Variants in CTNND2 observed in about 807,000 individuals in gnomAD.
The protein encoded by CTNND2 is catenin delta 2.
In CTNND2, 22 loss-of-function variants were observed where a neutral mutation model predicts 144.4. The ratio of observed to expected loss-of-function variants is 0.15; its 90% CI spans 0.11 to 0.22. CTNND2 has a LOEUF of 0.22. Ranked by LOEUF, CTNND2 falls within the 10% of genes least tolerant of loss-of-function variation. The probability of loss-of-function intolerance (pLI) is 1.00; values close to 1 mark genes in which losing one functional copy is unlikely to be tolerated. For synonymous variants in CTNND2, 751 were observed against 695.6 expected (o/e 1.08, Z -1.25); for missense variants, 1,353 against 1,618.8 (o/e 0.84, Z 2.82).
chr5:11,373,204 A>G (rs1757619064), intron 7 of CTNND2, among the ~76,000 whole-genome samples: 1 of 152,242 alleles, frequency 6.6e-6, no homozygotes, highest in African/African-American at 2.4e-5. Context: ...TAGCTGGGGC[A>G]AGAGTCACTT....
chr5:11,164,356 A>T (rs61751850), intron 11 of CTNND2, among the ~76,000 whole-genome samples: 5,562 of 152,274 alleles, frequency 0.037, 313 homozygotes, highest in African/African-American at 0.12. Context: ...TTCAAAAATA[A>T]CCTGTTATGC....
chr5:11,250,440 G>A (rs926696952), intron 9 of CTNND2, among the ~76,000 whole-genome samples: 7 of 130,102 alleles, frequency 5.4e-5, no homozygotes, highest in South Asian at 5.1e-4. Flanking sequence ...GAAAGTTTGC[G>A]GTGAATTTAA....
intron 16 of CTNND2, among the ~76,000 whole-genome samples, chr5:11,078,594 C>T (rs1263214497): frequency 2.6e-5 from 4 of 152,126 alleles, no homozygotes; most frequent in Admixed American, 6.5e-5. Context: ...CAATAGTTCA[C>T]TATTTTGTTA....
chr5:11,742,139 A>G (rs1219356160), intron 1 of CTNND2, among the ~76,000 whole-genome samples: 3 of 152,036 alleles, frequency 2.0e-5, no homozygotes, highest in Non-Finnish European at 4.4e-5. Flanking sequence ...GATTTCAGAA[A>G]TCACCACTAA....
At chr5:10,999,965 C>T (rs1443110245) in intron 18 of CTNND2, among the ~76,000 whole-genome samples, 1 of 152,210 alleles carries the variant, frequency 6.6e-6, no homozygotes, top group Non-Finnish European at 1.5e-5. Flanking sequence ...CCCCACAGCC[C>T]CACTACCATC....
chr5:11,545,100 A>AGTG (rs1775101798), intron 3 of CTNND2, among the ~76,000 whole-genome samples: 3 of 144,728 alleles, frequency 2.1e-5, no homozygotes, highest in Middle Eastern at 3.8e-3. Flanking sequence ...CCAGCCTGGC[A>AGTG]ACAGAGCGAG....
chr5:11,667,332 GA>G (rs1412942558), intron 2 of CTNND2, among the ~76,000 whole-genome samples: 3 of 152,148 alleles, frequency 2.0e-5, no homozygotes, highest in African/African-American at 7.2e-5. Context: ...GATCCTTGAG[GA>G]ATTGCCACAC....
intron 1 of CTNND2, among the ~76,000 whole-genome samples, chr5:11,733,548 C>G (rs1787513936): frequency 6.6e-6 from 1 of 152,006 alleles, no homozygotes. Flanking sequence ...TTCCCCTTTG[C>G]AAGAAAATCA....
intron 16 of CTNND2, among the ~76,000 whole-genome samples, chr5:11,053,056 G>A (rs1442311729): frequency 6.6e-6 from 1 of 152,148 alleles, no homozygotes; most frequent in Non-Finnish European, 1.5e-5. Flanking sequence ...TTTACTGAAA[G>A]TTTCAAAGAG....
At position 10,972,708 on chromosome 5, in the gene CTNND2, TGTTTA is replaced by T. The variant is rs1397840110; in HGVS notation, c.*740_*744del. The T allele has an allele frequency of 6.6e-6, 1 of 152,650 alleles. No homozygotes were observed. The highest frequency in any genetic ancestry group is 1.5e-5 in the Non-Finnish European group (1 of 68,036). The allele number at this position is 152,650 out of a possible 1,614,324, so 9.5% of individuals were successfully genotyped here. A position where few individuals can be genotyped will look rare whatever the true frequency, so the allele number is the denominator to read the frequency against. ...AATTGTCAGAAACTGCTGAATGCCTTGTTTAGTTGTCACAAACAAATTCACATATC... is the reference window on the plus strand; with the variant it reads ...AATTGTCAGAAACTGCTGAATGCCTTGTTGTCACAAACAAATTCACATATC... On this transcript the variant is annotated 3_prime_UTR_variant, in exon 22 of 22. Coordinates refer to ENST00000304623, the MANE Select transcript of CTNND2 (RefSeq NM_001332.4).
intron 2 of CTNND2, among the ~76,000 whole-genome samples, chr5:11,587,177 T>C (rs1019163629): frequency 4.6e-5 from 7 of 152,138 alleles, no homozygotes; most frequent in Admixed American, 1.3e-4. Context: ...GACTTCATAG[T>C]CATTTACTTT....
chr5:11,612,489 T>C (rs888173322), intron 2 of CTNND2, among the ~76,000 whole-genome samples: 7 of 152,210 alleles, frequency 4.6e-5, no homozygotes, highest in Admixed American at 2.6e-4. Flanking sequence ...TTCTTCATGG[T>C]ATACACATTA....
At chr5:11,075,233 C>T (rs1435741405) in intron 16 of CTNND2, among the ~76,000 whole-genome samples, 1 of 152,120 alleles carries the variant, frequency 6.6e-6, no homozygotes, top group Non-Finnish European at 1.5e-5. Context: ...CCTATTCTGA[C>T]CCCAGAGAAA....
intron 20 of CTNND2, 136 bp downstream of exon 20, chr5:10,987,975 C>T (rs899837471): frequency 1.6e-5 from 18 of 1,106,858 alleles, no homozygotes; most frequent in Non-Finnish European, 1.8e-5. Flanking sequence ...ATCAAGCTCT[C>T]AAGTGACTGG....
chr5:11,729,464 T>C (rs1052371447), intron 2 of CTNND2, among the ~76,000 whole-genome samples: 1 of 152,156 alleles, frequency 6.6e-6, no homozygotes, highest in African/African-American at 2.4e-5. Flanking sequence ...AACAGGATAA[T>C]ACCATACTAT....
intron 2 of CTNND2, among the ~76,000 whole-genome samples, chr5:11,710,554 A>AG (rs1218851940): frequency 1.3e-5 from 2 of 152,026 alleles, no homozygotes; most frequent in Non-Finnish European, 2.9e-5. Flanking sequence ...AAAAAAAAAA[A>AG]AAAGACAGAA....
intron 3 of CTNND2, among the ~76,000 whole-genome samples, chr5:11,545,120 C>CACAAAAAAAAAAAGGAAA (rs1775107201): frequency 2.7e-5 from 1 of 36,582 alleles, no homozygotes; most frequent in Non-Finnish European, 5.8e-5. Flanking sequence ...GACTCCGTCT[C>CACAAAAAAAAAAAGGAAA]AAAAAAAAAA....
chr5:11,696,008 T>G (rs1343025119), intron 2 of CTNND2, among the ~76,000 whole-genome samples: 2 of 152,360 alleles, frequency 1.3e-5, no homozygotes, highest in South Asian at 4.1e-4. Flanking sequence ...TTGTATACTT[T>G]TTACAAATAT....
At chr5:11,843,884 A>G (rs1217050122) in intron 1 of CTNND2, among the ~76,000 whole-genome samples, 1 of 152,178 alleles carries the variant, frequency 6.6e-6, no homozygotes, top group Non-Finnish European at 1.5e-5. Context: ...ATAAAAGATT[A>G]TATTGTTTGT....
Sources: gnomAD v4.1 joint callset for allele counts (sites outside exome capture counted in the v4.1 genomes callset) on GRCh38, gnomAD v4.1.1 for gene constraint, MANE v1.5 for transcripts, NCBI Gene and HGNC (gene_info 2026-07-23, HGNC 2026-07-21) for gene names.